The following ACYP2 variants were observed in gnomAD, a reference collection of about 807,000 sequenced individuals.
ACYP2 encodes acylphosphatase-2.
In ACYP2, 12 loss-of-function variants were observed where a neutral mutation model predicts 11.2. The observed-to-expected ratio is 1.08, with a 90% confidence interval of 0.69 to 1.74. The LOEUF (loss-of-function observed/expected upper bound fraction) is 1.74. ACYP2 is among the 40% of genes most tolerant of loss of function. The probability of loss-of-function intolerance (pLI) is 0.00; values close to 1 mark genes in which losing one functional copy is unlikely to be tolerated. For synonymous variants in ACYP2, 43 were observed against 32.2 expected (o/e 1.33, Z -1.13); for missense variants, 134 against 101.9 (o/e 1.31, Z -1.35).
At chr2:54,297,332 C>A (rs370115164) in intron 6 of ACYP2, among the ~76,000 whole-genome samples, 2 of 151,924 alleles carry the variant, frequency 1.3e-5, no homozygotes, top group East Asian at 1.9e-4. Context: ...CATCTCCACA[C>A]ACAAAAAAAT....
chr2:54,032,483 A>G (rs757204792), intron 2 of ACYP2, among the ~76,000 whole-genome samples: 4 of 152,062 alleles, frequency 2.6e-5, no homozygotes, highest in African/African-American at 4.8e-5. Context: ...CCATTGGTCT[A>G]TATCTCTGTT....
At chr2:53,982,397 A>C (rs567623693) in intron 2 of ACYP2, among the ~76,000 whole-genome samples, 1 of 152,290 alleles carries the variant, frequency 6.6e-6, no homozygotes. Context: ...TTAATTCAGT[A>C]AACATTTATT....
intron 2 of ACYP2, among the ~76,000 whole-genome samples, chr2:53,995,717 T>C (rs1307865930): frequency 6.6e-6 from 1 of 151,768 alleles, no homozygotes; most frequent in Non-Finnish European, 1.5e-5. Flanking sequence ...CCTCCCAAAG[T>C]GCTAAGATTA....
At chr2:54,146,086 G>T (rs1681866666) in intron 6 of ACYP2, among the ~76,000 whole-genome samples, 1 of 152,210 alleles carries the variant, frequency 6.6e-6, no homozygotes, top group Non-Finnish European at 1.5e-5. Context: ...TTGCATCTCT[G>T]CATGCCTTCA....
At chr2:54,263,074 A>G (rs1448429047) in intron 6 of ACYP2, among the ~76,000 whole-genome samples, 2 of 152,204 alleles carry the variant, frequency 1.3e-5, no homozygotes, top group Non-Finnish European at 2.9e-5. Context: ...TTGAATTGCT[A>G]TAAAAAAATA....
intron 2 of ACYP2, among the ~76,000 whole-genome samples, chr2:54,044,737 G>C (rs986423264): frequency 6.6e-6 from 1 of 152,134 alleles, no homozygotes; most frequent in Non-Finnish European, 1.5e-5. Flanking sequence ...AGTAATGCAT[G>C]ACACCACCAT....
At chr2:54,142,549 C>A (rs1293314855) in intron 6 of ACYP2, 3 of 152,040 alleles carry the variant, frequency 2.0e-5, no homozygotes, top group African/African-American at 7.3e-5. Flanking sequence ...ACAGCGAGAT[C>A]GTGTCTCTAC....
At chr2:54,102,833 A>G (rs1385485519) in intron 4 of ACYP2, among the ~76,000 whole-genome samples, 4 of 152,124 alleles carry the variant, frequency 2.6e-5, no homozygotes, top group Admixed American at 2.0e-4. Flanking sequence ...GCCTGTTGGC[A>G]AAATGATTCC....
intron 4 of ACYP2, among the ~76,000 whole-genome samples, chr2:54,117,352 A>G (rs889994237): frequency 3.3e-5 from 5 of 152,124 alleles, no homozygotes; most frequent in African/African-American, 9.7e-5. Flanking sequence ...AGCAAGTGCA[A>G]TGGCACAATC....
chr2:54,022,326 T>C (rs1264514183), intron 2 of ACYP2, among the ~76,000 whole-genome samples: 3 of 152,138 alleles, frequency 2.0e-5, no homozygotes, highest in Non-Finnish European at 4.4e-5. Context: ...TTTGGGCTTT[T>C]ATTTTGTTTT....
At chr2:54,236,784 T>C (rs1472375199) in intron 6 of ACYP2, among the ~76,000 whole-genome samples, 1 of 152,224 alleles carries the variant, frequency 6.6e-6, no homozygotes, top group Non-Finnish European at 1.5e-5. Context: ...TTTCTCACTA[T>C]GATTTTTAAA....
chr2:54,094,215 T>C (rs1572734792), intron 4 of ACYP2, among the ~76,000 whole-genome samples: 1 of 150,346 alleles, frequency 6.7e-6, no homozygotes, highest in African/African-American at 2.4e-5. Context: ...GAAGACATGG[T>C]GGGGAGAAAA....
intron 4 of ACYP2, among the ~76,000 whole-genome samples, chr2:54,093,715 T>C (rs1000138066): frequency 6.6e-6 from 1 of 151,696 alleles, no homozygotes; most frequent in Non-Finnish European, 1.5e-5. Context: ...CCGAGGCGGG[T>C]GGATCACGAG....
rs188002903 is a variant in ACYP2 at position 54,038,004 on chromosome 2, C to G, written c.63-12954C>G. Among the ~76,000 whole-genome samples, 5 of 152,274 alleles carry G rather than the reference C, an allele frequency of 3.3e-5. No homozygotes were observed. In the East Asian group the frequency reaches 9.6e-4, roughly 29 times the overall value. Reference sequence around the variant, plus strand: ...TGTAAAAATCTCCGAAGCTTTCTCTCCTACACAGTGAAATTACTACAATTT... The same window carrying G: ...TGTAAAAATCTCCGAAGCTTTCTCTGCTACACAGTGAAATTACTACAATTT... On this transcript the variant is annotated intron_variant, in intron 2 of 6. Transcript: ENST00000607452.
intron 6 of ACYP2, among the ~76,000 whole-genome samples, chr2:54,243,135 T>A (rs1229475265): frequency 6.6e-6 from 1 of 152,024 alleles, no homozygotes; most frequent in African/African-American, 2.4e-5. Context: ...GTTTGAAAAA[T>A]TTTTTTTGTC....
At chr2:54,247,891 C>T (rs539835017) in intron 6 of ACYP2, among the ~76,000 whole-genome samples, 1 of 152,220 alleles carries the variant, frequency 6.6e-6, no homozygotes, top group Non-Finnish European at 1.5e-5. Context: ...CTGAGTCTCA[C>T]ATTCCTCAGC....
At chr2:54,196,587 G>C (rs1462881773) in intron 6 of ACYP2, among the ~76,000 whole-genome samples, 2 of 152,184 alleles carry the variant, frequency 1.3e-5, no homozygotes, top group Non-Finnish European at 2.9e-5. Context: ...TACTGTGCTA[G>C]ATAGGGATTC....
rs367741645 is a variant in ACYP2, at chr2:54,304,930, G to T, written c.*128G>T. ...TGTTCTGAAAGCTAAGCGACTGTAC[G>T]TGCTACTAAAAATGTCTGACACTGA... On this transcript the variant is annotated 3_prime_UTR_variant, in exon 7 of 7. Transcript: ENST00000607452. 2.3e-6 allele frequency: 1 copy of T among 444,226 alleles called. No individual in the cohort carries two copies. The highest frequency in any genetic ancestry group is 3.3e-5 in the East Asian group (1 of 29,904). 27.5% of individuals were successfully genotyped at this position (444,226 alleles called of 1,614,324 possible).
rs3071186 is a variant in ACYP2 at position 54,276,619 on chromosome 2, T to TCACACACACA, written c.405-28035_405-28026dup. Among the ~76,000 whole-genome samples, 756 of 146,190 alleles carry TCACACACACA rather than the reference T, an allele frequency of 5.2e-3. 2 individuals are homozygous for TCACACACACA. Among genetic ancestry groups the TCACACACACA allele is most frequent in the African/African-American group, 5.9e-3 (237 of 40,020 alleles). Reference sequence around the variant, plus strand: ...TTTTCTTTGGGTTCAGATTGTTCTTTCACACACACACACACACACACACAC... The same window carrying TCACACACACA: ...TTTTCTTTGGGTTCAGATTGTTCTTTCACACACACACACACACACACACACACACACACAC... On this transcript the variant is annotated intron_variant, in intron 6 of 6. Coordinates refer to ENST00000607452, the MANE Select transcript of ACYP2 (RefSeq NM_001320586.2).
Sources: gnomAD v4.1 joint callset for allele counts (sites outside exome capture counted in the v4.1 genomes callset) on GRCh38, gnomAD v4.1.1 for gene constraint, MANE v1.5 for transcripts, NCBI Gene and HGNC (gene_info 2026-07-23, HGNC 2026-07-21) for gene names.